Variants in TOP6BL observed in about 807,000 individuals in gnomAD.
The protein encoded by TOP6BL is type 2 DNA topoisomerase 6 subunit B-like.
the TOP6BL span, chr11:66,795,813 T>A: frequency 2.0e-5 from 3 of 152,162 alleles, no homozygotes; most frequent in African/African-American, 7.3e-5. Flanking sequence ...TCCTTATAAA[T>A]AAATGTTTGG....
the TOP6BL span, among the ~76,000 whole-genome samples, chr11:66,778,148 T>A: frequency 2.0e-5 from 3 of 151,640 alleles, no homozygotes; most frequent in Admixed American, 6.6e-5. Context: ...GTGATTCTCC[T>A]GCCTCAGCCT....
the TOP6BL span, among the ~76,000 whole-genome samples, chr11:66,794,112 TAAA>T: frequency 1.8e-5 from 2 of 110,510 alleles, no homozygotes; most frequent in African/African-American, 6.8e-5. Flanking sequence ...ACCCTGTTTC[TAAA>T]AAAAAAAAAA....
chr11:66,745,309 C>CGGGGGGGGG, the TOP6BL span, among the ~76,000 whole-genome samples: 16 of 11,602 alleles, frequency 1.4e-3, no homozygotes, highest in East Asian at 2.6e-3. Flanking sequence ...CGTTGCGGGG[C>CGGGGGGGGG]GGGGTGGGGG....
chr11:66,766,115 G>A, the TOP6BL span, among the ~76,000 whole-genome samples: 6 of 152,102 alleles, frequency 3.9e-5, no homozygotes, highest in Admixed American at 3.9e-4. Flanking sequence ...AAGTTAATAT[G>A]TCTGTAAATT....
At chr11:66,812,011 AGAAAAGAG>A in the TOP6BL span, among the ~76,000 whole-genome samples, 1 of 152,204 alleles carries the variant, frequency 6.6e-6, no homozygotes, top group Non-Finnish European at 1.5e-5. Flanking sequence ...ATCCAAAAAT[AGAAAAGAG>A]GAAAAAGGAA....
the TOP6BL span, among the ~76,000 whole-genome samples, chr11:66,815,280 T>G: frequency 3.4e-4 from 52 of 152,302 alleles, no homozygotes; most frequent in Non-Finnish European, 6.3e-4. Context: ...TCAGTTAACT[T>G]TGGAAATGAA....
chr11:66,827,020 T>G, the TOP6BL span, among the ~76,000 whole-genome samples: 18 of 146,674 alleles, frequency 1.2e-4, no homozygotes, highest in African/African-American at 3.6e-4. Context: ...TCGCTCTTGT[T>G]GCCCAGGCTG....
the TOP6BL span, among the ~76,000 whole-genome samples, chr11:66,805,016 G>A: frequency 5.3e-5 from 8 of 151,616 alleles, no homozygotes; most frequent in African/African-American, 1.9e-4. Context: ...GCAGTGAGCC[G>A]AGATCGCAGC....
the TOP6BL span, among the ~76,000 whole-genome samples, chr11:66,784,956 C>CTTT: frequency 2.1e-3 from 197 of 95,106 alleles, no homozygotes; most frequent in Middle Eastern, 6.9e-3. Context: ...TCTAAGATTT[C>CTTT]TTTTTTTTTT....
the TOP6BL span, among the ~76,000 whole-genome samples, chr11:66,781,276 G>GT: frequency 6.6e-6 from 1 of 151,898 alleles, no homozygotes; most frequent in African/African-American, 2.4e-5. Flanking sequence ...AGATTGGATA[G>GT]TTTTTGTTAT....
chr11:66,786,888 G>A, the TOP6BL span, among the ~76,000 whole-genome samples: 5 of 151,862 alleles, frequency 3.3e-5, no homozygotes, highest in African/African-American at 7.3e-5. Context: ...ACAAACTAAT[G>A]GCAAGAACAA....
chr11:66,781,738 A>C, the TOP6BL span, among the ~76,000 whole-genome samples: 1 of 151,944 alleles, frequency 6.6e-6, no homozygotes, highest in Non-Finnish European at 1.5e-5. Context: ...GAGTCTTTCC[A>C]TGTTGCCTAG....
the TOP6BL span, chr11:66,838,244 AG>A: frequency 1.4e-6 from 1 of 729,076 alleles, no homozygotes; most frequent in East Asian, 2.7e-5. Flanking sequence ...CAGGAGGAAG[AG>A]GGAGTTCCAG....
At chr11:66,794,001 A>G in the TOP6BL span, among the ~76,000 whole-genome samples, 3 of 150,352 alleles carry the variant, frequency 2.0e-5, no homozygotes, top group African/African-American at 4.9e-5. Context: ...AGTCCTGGCT[A>G]TTTGGGAAGC....
the TOP6BL span, among the ~76,000 whole-genome samples, chr11:66,791,321 G>A: frequency 4.6e-5 from 7 of 152,172 alleles, no homozygotes; most frequent in Non-Finnish European, 1.5e-5. Flanking sequence ...TGGGTAACAT[G>A]TCCCTTCAAA....
chr11:66,797,002 C>CT, the TOP6BL span, among the ~76,000 whole-genome samples: 706 of 136,342 alleles, frequency 5.2e-3, 1 homozygote, highest in East Asian at 0.03. Flanking sequence ...CCAAGGCAAT[C>CT]TTTTTTTTTT....
the TOP6BL span, among the ~76,000 whole-genome samples, chr11:66,784,801 G>A: frequency 6.6e-6 from 1 of 151,980 alleles, no homozygotes; most frequent in African/African-American, 2.4e-5. Flanking sequence ...ACTTTTAGCT[G>A]TTCTGAGTAA....
the TOP6BL span, among the ~76,000 whole-genome samples, chr11:66,771,869 A>G: frequency 6.6e-6 from 1 of 152,186 alleles, no homozygotes; most frequent in South Asian, 2.1e-4. Flanking sequence ...GGGACTGTCA[A>G]ATGCACTGCC....
At chr11:66,768,706 CT>C in the TOP6BL span, among the ~76,000 whole-genome samples, 2 of 135,806 alleles carry the variant, frequency 1.5e-5, no homozygotes, top group Admixed American at 7.3e-5. Flanking sequence ...TTTCTTTACT[CT>C]TTTCCTTGTT....
Sources: gnomAD v4.1 joint callset for allele counts (sites outside exome capture counted in the v4.1 genomes callset) on GRCh38, gnomAD v4.1.1 for gene constraint, MANE v1.5 for transcripts, NCBI Gene and HGNC (gene_info 2026-07-23, HGNC 2026-07-21) for gene names.